GYPE: variants seen among roughly 807,000 people sequenced by gnomAD.
GYPE encodes glycophorin-E.
Under a neutral mutation model 11.6 loss-of-function variants are expected in GYPE, and 8 were observed. The ratio of observed to expected loss-of-function variants is 0.69; its 90% CI spans 0.41 to 1.25. GYPE has a LOEUF of 1.25. GYPE is among the 50% of genes most tolerant of loss of function. The pLI is 0.01. For synonymous variants in GYPE, 28 were observed against 29.6 expected, an observed-to-expected ratio of 0.94 and a Z score of 0.18; for missense variants, 90 against 92.8, an observed-to-expected ratio of 0.97 and a Z score of 0.12.
rs538244157 is a variant in GYPE, at chr4:143,900,555, C to G, written c.37+4916G>C. Among the ~76,000 whole-genome samples the G allele has an allele frequency of 2.8e-5, 4 of 143,296 alleles. 1 individual carries two copies. Among genetic ancestry groups the G allele is most frequent in the Non-Finnish European group, 6.1e-5 (4 of 65,630 alleles). 94.0% of individuals were successfully genotyped at this position (143,296 alleles called of 152,430 possible). On this transcript the variant is annotated intron_variant, in intron 1 of 3. Coordinates refer to ENST00000358615, the MANE Select transcript of GYPE (RefSeq NM_198682.3). Reference sequence around the variant, plus strand: ...CACAAATTTTAATCAAATGATGGATCGATAAGCAAAATGTGATATATCAAC... The same window carrying G: ...CACAAATTTTAATCAAATGATGGATGGATAAGCAAAATGTGATATATCAAC...
chr4:143,877,539 G>T (rs944350116), intron 2 of GYPE, among the ~76,000 whole-genome samples: 1 of 152,152 alleles, frequency 6.6e-6, no homozygotes, highest in Non-Finnish European at 1.5e-5. Context: ...CATATTTATA[G>T]CATATTTGTA....
chr4:143,883,315 G>A (rs1744112836), intron 1 of GYPE, among the ~76,000 whole-genome samples: 1 of 151,872 alleles, frequency 6.6e-6, no homozygotes, highest in Non-Finnish European at 1.5e-5. Context: ...AGAAGCAGAA[G>A]CACTATGCTT....
intron 1 of GYPE, among the ~76,000 whole-genome samples, chr4:143,885,280 A>C (rs1192244239): frequency 6.6e-6 from 1 of 152,174 alleles, no homozygotes; most frequent in Non-Finnish European, 1.5e-5. Flanking sequence ...GGAGGTGAAA[A>C]GTATTTTAAA....
intron 1 of GYPE, among the ~76,000 whole-genome samples, chr4:143,891,621 C>T (rs1744410391): frequency 6.6e-6 from 1 of 151,976 alleles, no homozygotes; most frequent in Non-Finnish European, 1.5e-5. Flanking sequence ...AACCACTGCA[C>T]CTGGCCTATT....
chr4:143,873,298 A>C (rs1743680060), intron 3 of GYPE: 1 of 371,066 alleles, frequency 2.7e-6, no homozygotes, highest in Non-Finnish European at 5.3e-6. Context: ...CTTACATTAA[A>C]CTGATTACTT....
Position 143,881,436 on chromosome 4 carries a change from T to C in GYPE, c.38-927A>G, listed in dbSNP as rs183081311. The stretch of plus-strand genomic sequence containing the variant: ...AACTACAAGAAAGCACAAAGAATAA[T>C]ATAAAATTCATCTACAGTCAGCCTA... On this transcript the variant is annotated intron_variant, in intron 1 of 3. Transcript: ENST00000358615. Among the ~76,000 whole-genome samples, 596 of 152,196 alleles carry C rather than the reference T, an allele frequency of 3.9e-3. 3 individuals carry two copies. The highest frequency in any genetic ancestry group is 0.012 in the African/African-American group (514 of 41,534).
At chr4:143,889,336 T>C (rs1744316858) in intron 1 of GYPE, among the ~76,000 whole-genome samples, 1 of 152,022 alleles carries the variant, frequency 6.6e-6, no homozygotes, top group South Asian at 2.1e-4. Flanking sequence ...TGCACATTCT[T>C]CAGCCTGGAC....
chr4:143,882,681 G>C (rs1294725539), intron 1 of GYPE, among the ~76,000 whole-genome samples: 1 of 152,128 alleles, frequency 6.6e-6, no homozygotes, highest in African/African-American at 2.4e-5. Flanking sequence ...CCTTCACTCA[G>C]GTGTGCTTGT....
chr4:143,893,407 G>A (rs1325242476), intron 1 of GYPE, among the ~76,000 whole-genome samples: 9 of 149,412 alleles, frequency 6.0e-5, no homozygotes, highest in African/African-American at 1.5e-4. Flanking sequence ...TCCTAATCTC[G>A]ATGGTCCTTA....
rs1043430903 is a variant in GYPE at position 143,893,290 on chromosome 4, G to T, written c.37+12181C>A. Among the ~76,000 whole-genome samples, 3 of 138,428 alleles carry T rather than the reference G, an allele frequency of 2.2e-5. No individual in the cohort carries two copies. In the Admixed American group the frequency reaches 2.3e-4, roughly 11 times the overall value. 90.8% of individuals were successfully genotyped at this position (138,428 alleles called of 152,430 possible). On this transcript the variant is annotated intron_variant, in intron 1 of 3. Transcript: ENST00000358615. ...ATTTGCCAGTCTGTGTCTTTTAATT[G>T]GAGCATTTAGTCCATTTACATTTAA...
intron 3 of GYPE, chr4:143,875,500 A>G: frequency 6.4e-7 from 1 of 1,551,084 alleles, no homozygotes; most frequent in Non-Finnish European, 8.7e-7. Flanking sequence ...TGCAGGCCAC[A>G]TCCTCATGCC....
At chr4:143,875,296 T>G in intron 3 of GYPE, 1 of 637,222 alleles carries the variant, frequency 1.6e-6, no homozygotes, top group South Asian at 2.1e-5. Context: ...TAACAAATCA[T>G]GACTATACTA....
At chr4:143,901,632 A>T (rs989937226) in intron 1 of GYPE, among the ~76,000 whole-genome samples, 1 of 44,344 alleles carries the variant, frequency 2.3e-5, no homozygotes, top group Admixed American at 4.0e-4. Context: ...ACCATATAAG[A>T]AGGATTGGGT....
chr4:143,897,828 A>G (rs1349757837), intron 1 of GYPE, among the ~76,000 whole-genome samples: 1 of 152,110 alleles, frequency 6.6e-6, no homozygotes, highest in Non-Finnish European at 1.5e-5. Flanking sequence ...TAAAATGGGA[A>G]TTCTGAGAGA....
chr4:143,879,273 C>G (rs1345107232), intron 2 of GYPE, among the ~76,000 whole-genome samples: 13 of 152,216 alleles, frequency 8.5e-5, no homozygotes, highest in African/African-American at 2.9e-4. Context: ...TCTGTCTCCA[C>G]TTGCCATTTT....
intron 3 of GYPE, among the ~76,000 whole-genome samples, chr4:143,874,990 G>T (rs1006585496): frequency 1.1e-4 from 16 of 152,160 alleles, no homozygotes; most frequent in African/African-American, 3.9e-4. Flanking sequence ...ACAAAGATTT[G>T]AATAGAACTT....
chr4:143,896,535 A>T (rs1175951579), intron 1 of GYPE, among the ~76,000 whole-genome samples: 2 of 150,988 alleles, frequency 1.3e-5, no homozygotes, highest in Admixed American at 6.6e-5. Flanking sequence ...GTGGAGAAAT[A>T]GGAACACTTT....
Position 143,871,865 on chromosome 4 carries a change from C to G in GYPE, c.*397G>C, listed in dbSNP as rs1743630207. 1.3e-5 allele frequency: 2 copies of G among 152,134 alleles called. No homozygotes were observed. Among genetic ancestry groups the G allele is most frequent in the African/African-American group, 4.8e-5 (2 of 41,426 alleles). The allele number at this position is 152,134 out of a possible 1,614,324, so 9.4% of individuals were successfully genotyped here. On this transcript the variant is annotated 3_prime_UTR_variant, in exon 4 of 4. Coordinates refer to ENST00000358615, the MANE Select transcript of GYPE (RefSeq NM_198682.3). ...CAGTGATTGAGCAGCTGAATTCCATCCATTTGGTGGGTAAGGACCTCAGAG... is the reference window on the plus strand; with the variant it reads ...CAGTGATTGAGCAGCTGAATTCCATGCATTTGGTGGGTAAGGACCTCAGAG...
Position 143,872,060 on chromosome 4 carries a change from C to T in GYPE, c.*202G>A, listed in dbSNP as rs1295460037. The T allele has an allele frequency of 6.6e-6, 1 of 152,374 alleles. No homozygotes were observed. 9.4% of individuals were successfully genotyped at this position (152,374 alleles called of 1,614,324 possible). The stretch of plus-strand genomic sequence containing the variant: ...AATCCTCATGTCATGGTAAGGCCCT[C>T]TGAAATTCTCTCTACGCCTTTGAGA... On this transcript the variant is annotated 3_prime_UTR_variant, in exon 4 of 4. Transcript: ENST00000358615.
Sources: allele counts gnomAD v4.1 joint callset (sites outside exome capture counted in the v4.1 genomes callset), GRCh38; gene constraint gnomAD v4.1.1; transcripts MANE v1.5; gene names NCBI Gene and HGNC (gene_info 2026-07-23, HGNC 2026-07-21).